PCGF5: variants seen among roughly 807,000 people sequenced by gnomAD.
PCGF5 encodes the protein polycomb group RING finger protein 5.
In PCGF5, 9 loss-of-function variants were observed where a neutral mutation model predicts 44.3. That is an observed-to-expected ratio of 0.20 (90% CI 0.12 to 0.35). The LOEUF is 0.35. Among genes scored for constraint, PCGF5 ranks in the 10% least tolerant of loss-of-function variants. PCGF5 has a pLI of 1.00. For synonymous variants in PCGF5, 95 were observed against 102.5 expected (o/e 0.93, Z 0.44); for missense variants, 146 against 305.3 (o/e 0.48, Z 3.89).
chr10:91,185,801 T>G (rs1843912603), intron 1 of PCGF5, among the ~76,000 whole-genome samples: 2 of 152,140 alleles, frequency 1.3e-5, no homozygotes, highest in African/African-American at 4.8e-5. Flanking sequence ...ATTCACTCCC[T>G]GCTTCCCTGG....
intron 1 of PCGF5, among the ~76,000 whole-genome samples, chr10:91,215,069 C>T (rs932203027): frequency 2.6e-5 from 4 of 152,186 alleles, no homozygotes; most frequent in African/African-American, 9.7e-5. Context: ...TTCTAATTAA[C>T]TTCCTCATCA....
upstream of PCGF5, among the ~76,000 whole-genome samples, chr10:91,219,636 T>C (rs1405614278): frequency 6.6e-6 from 1 of 152,230 alleles, no homozygotes; most frequent in East Asian, 1.9e-4. Context: ...TTTTGGAAAA[T>C]GGTTCTTTAA....
At position 91,280,446 on chromosome 10, in the gene PCGF5, A is replaced by G. The variant is rs889666055; in HGVS notation, c.*2130A>G. The stretch of plus-strand genomic sequence containing the variant: ...TGTAATTTCACTATTTTCCAAGGAA[A>G]TATATAGGAAGCAATTATGAAACTG... On this transcript the variant is annotated 3_prime_UTR_variant, in exon 10 of 10. Transcript: ENST00000336126. 4.6e-5 allele frequency: 7 copies of G among 152,484 alleles called. No homozygotes were observed. The highest frequency in any genetic ancestry group is 1.0e-4 in the Non-Finnish European group (7 of 67,908). 9.4% of individuals were successfully genotyped at this position (152,484 alleles called of 1,614,324 possible). A position where few individuals can be genotyped will look rare whatever the true frequency, so the allele number is the denominator to read the frequency against.
At chr10:91,166,579 A>G (rs566283397) in intron 1 of PCGF5, among the ~76,000 whole-genome samples, 6 of 152,092 alleles carry the variant, frequency 3.9e-5, no homozygotes, top group Non-Finnish European at 7.4e-5. Flanking sequence ...GTAAGTGTGC[A>G]TGTTTGCTTA....
rs1383121820 is a variant in PCGF5 at position 91,209,629 on chromosome 10, G to A, written c.-183-13060G>A. 3.1e-4 allele frequency among the ~76,000 whole-genome samples: 4 copies of A among 12,716 alleles called. 2 individuals are homozygous for A. Among genetic ancestry groups the A allele is most frequent in the Non-Finnish European group, 4.5e-4 (4 of 8,854 alleles). 8.3% of individuals were successfully genotyped at this position (12,716 alleles called of 152,430 possible). A position where few individuals can be genotyped will look rare whatever the true frequency, so the allele number is the denominator to read the frequency against. The stretch of plus-strand genomic sequence containing the variant: ...AAATTAGCCGGGCGCGGTGGCGGGC[G>A]CCTGTAGTCCCAGCTACTCGGGAGG... On this transcript the variant is annotated intron_variant, in intron 1 of 9. Coordinates refer to the PCGF5 transcript ENST00000614189.
chr10:91,277,585 A>G (rs888385666), intron 9 of PCGF5, among the ~76,000 whole-genome samples: 2 of 152,238 alleles, frequency 1.3e-5, no homozygotes, highest in Admixed American at 6.5e-5. Flanking sequence ...TACCTTTTCT[A>G]CATAGTGACA....
rs550311957 is a variant in PCGF5 at position 91,202,545 on chromosome 10, A to G, written c.-183-20144A>G. Among the ~76,000 whole-genome samples the G allele has an allele frequency of 4.3e-4, 66 of 152,348 alleles. 1 individual carries two copies. The South Asian group carries it at 0.013, about 31-fold the overall frequency. On this transcript the variant is annotated intron_variant, in intron 1 of 9. Transcript: ENST00000614189. ...TTGGCACATAGTGAGTAGTCATTGC[A>G]TAGTAGTCATCGTTACTGTTAATTA...
intron 1 of PCGF5, among the ~76,000 whole-genome samples, chr10:91,206,949 G>A (rs1258292398): frequency 6.6e-6 from 1 of 152,076 alleles, no homozygotes; most frequent in Non-Finnish European, 1.5e-5. Flanking sequence ...TTTCTTTACA[G>A]CACTGATCAC....
intron 1 of PCGF5, among the ~76,000 whole-genome samples, chr10:91,176,692 T>C (rs1843714025): frequency 1.3e-5 from 2 of 152,248 alleles, no homozygotes; most frequent in Non-Finnish European, 2.9e-5. Flanking sequence ...TTCCAGTTGA[T>C]CGAATCAGCT....
intron 9 of PCGF5, among the ~76,000 whole-genome samples, chr10:91,276,402 G>C (rs1254123285): frequency 1.3e-5 from 2 of 152,124 alleles, no homozygotes; most frequent in African/African-American, 4.8e-5. Flanking sequence ...CTGAAACGCA[G>C]GTCTATTTAG....
In PCGF5 at chr10:91,278,486, A is replaced by G. The variant is rs928146949; in HGVS notation, c.*170A>G. ...CAGTTGCATTCATGTTGTTTCTATT[A>G]GGAGCAAACCAAGTGCCATTCTGCT... On this transcript the variant is annotated 3_prime_UTR_variant, in exon 10 of 10. Coordinates refer to ENST00000336126, the MANE Select transcript of PCGF5 (RefSeq NM_032373.5). The G allele has an allele frequency of 3.8e-5, 24 of 638,870 alleles. No individual in the cohort carries two copies. In the East Asian group the frequency reaches 6.4e-4, roughly 17 times the overall value. The allele number at this position is 638,870 out of a possible 1,614,324, so 39.6% of individuals were successfully genotyped here.
intron 1 of PCGF5, among the ~76,000 whole-genome samples, chr10:91,174,233 A>T (rs1440205533): frequency 6.6e-6 from 1 of 152,084 alleles, no homozygotes; most frequent in African/African-American, 2.4e-5. Context: ...TAGGCTGGGC[A>T]CAGTGGCTCA....
chr10:91,191,695 C>G (rs1369016611), intron 1 of PCGF5, among the ~76,000 whole-genome samples: 11 of 152,146 alleles, frequency 7.2e-5, no homozygotes, highest in Admixed American at 6.6e-4. Context: ...GAGAATCACT[C>G]TGATTGCAAG....
rs529756240 is a variant in PCGF5 at position 91,252,798 on chromosome 10, C to T, written c.474+1358C>T. On this transcript the variant is annotated intron_variant, in intron 6 of 9. Coordinates refer to ENST00000336126, the MANE Select transcript of PCGF5 (RefSeq NM_032373.5). ...GGCTGAATATCTTCTCATAAACAAA[C>T]GTAAAGTCCACTTCTCTGCATGATT... is the stretch of plus-strand genomic sequence containing the variant. 1.3e-3 allele frequency among the ~76,000 whole-genome samples: 191 copies of T among 152,076 alleles called. 3 individuals are homozygous for T. In the South Asian group the frequency reaches 0.037, roughly 30 times the overall value.
chr10:91,236,099 A>AT lies in PCGF5; in HGVS notation c.113-4383dup, dbSNP rs200364547. On this transcript the variant is annotated intron_variant, in intron 2 of 9. Transcript: ENST00000336126. ...GTCTTAAACAAAGAAATAATAATAA[A>AT]TTAAAAAAATATGATATGAATTTTT... Among the ~76,000 whole-genome samples, 1,089 of 146,958 alleles carry AT rather than the reference A, an allele frequency of 7.4e-3. 12 individuals carry two copies. Among genetic ancestry groups the AT allele is most frequent in the African/African-American group, 0.025 (914 of 36,948 alleles).
chr10:91,161,518 G>A (rs1466651006), upstream of PCGF5, among the ~76,000 whole-genome samples: 1 of 152,176 alleles, frequency 6.6e-6, no homozygotes, highest in Non-Finnish European at 1.5e-5. Flanking sequence ...TAAAATGACT[G>A]GGTTCATGTC....
At chr10:91,251,645 C>T (rs2133381281) in intron 6 of PCGF5, among the ~76,000 whole-genome samples, 1 of 152,164 alleles carries the variant, frequency 6.6e-6, no homozygotes, top group African/African-American at 2.4e-5. Flanking sequence ...ATGCCACCAT[C>T]TAGTGGCTAA....
chr10:91,205,765 G>A (rs928985670), intron 1 of PCGF5, among the ~76,000 whole-genome samples: 6 of 152,116 alleles, frequency 3.9e-5, no homozygotes, highest in Non-Finnish European at 7.4e-5. Flanking sequence ...GATCACTTGT[G>A]GTCATTTGTT....
At chr10:91,187,209 T>C (rs1354635754) in intron 1 of PCGF5, among the ~76,000 whole-genome samples, 3 of 152,174 alleles carry the variant, frequency 2.0e-5, no homozygotes, top group Non-Finnish European at 4.4e-5. Context: ...ATTTAATTGT[T>C]CTAGGATGGG....
Sources: allele counts gnomAD v4.1 joint callset (sites outside exome capture counted in the v4.1 genomes callset), GRCh38; gene constraint gnomAD v4.1.1; transcripts MANE v1.5; gene names NCBI Gene and HGNC (gene_info 2026-07-23, HGNC 2026-07-21).